The following PIK3C3 variants were observed in gnomAD, a reference collection of about 807,000 sequenced individuals.
The protein encoded by PIK3C3 is PI3-kinase type 3.
Under a neutral mutation model 126.1 loss-of-function variants are expected in PIK3C3, and 95 were observed. The ratio of observed to expected loss-of-function variants is 0.75; its 90% CI spans 0.64 to 0.89. The LOEUF (loss-of-function observed/expected upper bound fraction) is 0.89, where lower values mean the gene tolerates loss of function less well. Ranked by LOEUF, PIK3C3 falls within the 40% of genes least tolerant of loss-of-function variation. The pLI, the probability that PIK3C3 is intolerant of heterozygous loss-of-function variation, is 0.00. For missense variants in PIK3C3, 829 were observed against 1,063.2 expected (o/e 0.78, Z 3.06); for synonymous variants, 374 against 360.0 (o/e 1.04, Z -0.44).
rs57601171 is a variant in PIK3C3, at chr18:41,956,548, C to CTTTT, written c.69-1003_69-1000dup. Among the ~76,000 whole-genome samples the CTTTT allele has an allele frequency of 1.7e-4, 17 of 100,246 alleles. No individual in the cohort carries two copies. The East Asian group carries it at 1.7e-3, about 10-fold the overall frequency. The allele number at this position is 100,246 out of a possible 152,430, so 65.8% of individuals were successfully genotyped here. ...AAGAAAAAGCCAAAAAAACCGGTCC[C>CTTTT]TTTTTTTTTTTTTTTTTTTTTTGGA... On this transcript the variant is annotated intron_variant, in intron 1 of 24. Coordinates refer to ENST00000262039, the MANE Select transcript of PIK3C3 (RefSeq NM_002647.4).
intron 10 of PIK3C3, among the ~76,000 whole-genome samples, chr18:42,008,805 T>C (rs1448563471): frequency 1.3e-5 from 2 of 152,182 alleles, no homozygotes; most frequent in Non-Finnish European, 2.9e-5. Context: ...TTGAAGTTAA[T>C]TCATTTTCAT....
intron 20 of PIK3C3, among the ~76,000 whole-genome samples, chr18:42,047,233 G>A (rs956334652): frequency 6.6e-6 from 1 of 152,122 alleles, no homozygotes; most frequent in African/African-American, 2.4e-5. Context: ...GAACAACTCA[G>A]CTGCACTGAT....
chr18:41,988,359 A>AT (rs1459737881), intron 5 of PIK3C3, among the ~76,000 whole-genome samples: 5 of 152,100 alleles, frequency 3.3e-5, no homozygotes, highest in Non-Finnish European at 4.4e-5. Flanking sequence ...GATTTAGGTG[A>AT]TTTTTTTCTT....
chr18:42,028,586 G>A (rs1431371524), intron 14 of PIK3C3, among the ~76,000 whole-genome samples: 1 of 152,064 alleles, frequency 6.6e-6, no homozygotes, highest in South Asian at 2.1e-4. Context: ...TTTTGTATTC[G>A]TTCCCAAAGC....
intron 3 of PIK3C3, among the ~76,000 whole-genome samples, chr18:41,970,019 C>T (rs1225010132): frequency 6.6e-6 from 1 of 152,120 alleles, no homozygotes; most frequent in Admixed American, 6.5e-5. Flanking sequence ...TCTGTTATTC[C>T]TTAGATCTTC....
intron 12 of PIK3C3, among the ~76,000 whole-genome samples, chr18:42,017,607 T>C (rs1983131708): frequency 6.6e-6 from 1 of 152,162 alleles, no homozygotes; most frequent in Non-Finnish European, 1.5e-5. Flanking sequence ...TTGCTTTAAA[T>C]ATTTTGAAGC....
chr18:41,990,361 G>C, intron 5 of PIK3C3, 98 bp from the exon 6 acceptor site: 1 of 700,736 alleles, frequency 1.4e-6, no homozygotes, highest in Admixed American at 2.4e-5. Flanking sequence ...GTATTTGATA[G>C]ATACATGTAT....
chr18:42,050,995 T>G (rs919290129), intron 21 of PIK3C3: 2 of 152,250 alleles, frequency 1.3e-5, no homozygotes, highest in African/African-American at 2.4e-5. Flanking sequence ...CCTCCAATGC[T>G]CTCTACTTAT....
At chr18:41,971,922 A>G (rs193001234) in intron 4 of PIK3C3, among the ~76,000 whole-genome samples, 124 of 152,188 alleles carry the variant, frequency 8.1e-4, no homozygotes, top group African/African-American at 2.6e-3. Flanking sequence ...TCTGTTAAAC[A>G]CATTATTTAG....
intron 24 of PIK3C3, among the ~76,000 whole-genome samples, chr18:42,076,124 G>GCA (rs1985987785): frequency 4.5e-5 from 3 of 67,188 alleles, no homozygotes; most frequent in South Asian, 4.1e-4. Flanking sequence ...ATATATATGC[G>GCA]CATATATATA....
At chr18:42,042,871 T>C (rs1984386054) in intron 19 of PIK3C3, among the ~76,000 whole-genome samples, 1 of 152,204 alleles carries the variant, frequency 6.6e-6, no homozygotes, top group Non-Finnish European at 1.5e-5. Context: ...GTACCTCTTT[T>C]TGGTTTGCAT....
Position 42,042,040 on chromosome 18 carries a change from G to A in PIK3C3, c.2103+1299G>A, listed in dbSNP as rs1984345534. 2.0e-5 allele frequency among the ~76,000 whole-genome samples: 3 copies of A among 152,174 alleles called. No individual in the cohort carries two copies. The South Asian group carries it at 6.2e-4, about 32-fold the overall frequency. ...CTTTGCTTCCTAATTGATAAGGGTGGTTCGCTGTGCCTAGATTGTTTGTTC... is the reference window on the plus strand; with the variant it reads ...CTTTGCTTCCTAATTGATAAGGGTGATTCGCTGTGCCTAGATTGTTTGTTC... On this transcript the variant is annotated intron_variant, in intron 19 of 24. Coordinates refer to ENST00000262039, the MANE Select transcript of PIK3C3 (RefSeq NM_002647.4).
At chr18:41,987,964 T>G (rs1209856394) in intron 5 of PIK3C3, 66 bp downstream of exon 5, 15 of 934,774 alleles carry the variant, frequency 1.6e-5, no homozygotes, top group Non-Finnish European at 2.4e-5. Flanking sequence ...AATTTTTTGA[T>G]AAGAATTATT....
intron 2 of PIK3C3, among the ~76,000 whole-genome samples, chr18:41,958,267 T>C (rs1979894388): frequency 6.6e-6 from 1 of 152,248 alleles, no homozygotes; most frequent in South Asian, 2.1e-4. Context: ...AGGGTAAATA[T>C]AATGAACATG....
intron 3 of PIK3C3, among the ~76,000 whole-genome samples, chr18:41,964,301 AT>A (rs1568111701): frequency 6.6e-6 from 1 of 152,152 alleles, no homozygotes; most frequent in African/African-American, 2.4e-5. Context: ...GAGAGGCATT[AT>A]AGTGTATAGT....
intron 22 of PIK3C3, among the ~76,000 whole-genome samples, chr18:42,064,173 T>G (rs954902998): frequency 1.1e-4 from 16 of 152,210 alleles, no homozygotes; most frequent in Non-Finnish European, 2.4e-4. Context: ...TCTTGCCCAT[T>G]TTTAATGCAG....
At chr18:42,007,043 C>CT (rs1567980052) in intron 10 of PIK3C3, among the ~76,000 whole-genome samples, 2 of 151,558 alleles carry the variant, frequency 1.3e-5, no homozygotes, top group East Asian at 1.9e-4. Context: ...TTTTGAATTT[C>CT]TTTTTTAGTA....
chr18:42,078,979 C>G (rs1426475068), intron 24 of PIK3C3, among the ~76,000 whole-genome samples: 1 of 152,196 alleles, frequency 6.6e-6, no homozygotes, highest in Non-Finnish European at 1.5e-5. Flanking sequence ...ACAAAAACTT[C>G]CTCCATATCA....
intron 10 of PIK3C3, among the ~76,000 whole-genome samples, chr18:42,011,038 C>T (rs1181282942): frequency 6.6e-6 from 1 of 152,134 alleles, no homozygotes; most frequent in Non-Finnish European, 1.5e-5. Flanking sequence ...CTTTTCTGAA[C>T]AGTGGGTCTC....
Sources: gnomAD v4.1 joint callset for allele counts (sites outside exome capture counted in the v4.1 genomes callset) on GRCh38, gnomAD v4.1.1 for gene constraint, MANE v1.5 for transcripts, NCBI Gene and HGNC (gene_info 2026-07-23, HGNC 2026-07-21) for gene names.